IL6R: variants seen among roughly 807,000 people sequenced by gnomAD.
The protein encoded by IL6R is interleukin-6 receptor subunit alpha.
IL6R carries 38 observed loss-of-function variants against 48.3 expected under a neutral mutation model. The observed-to-expected ratio is 0.79, with a 90% CI of 0.61 to 1.03. The LOEUF (loss-of-function observed/expected upper bound fraction) is 1.03, where lower values mean the gene tolerates loss of function less well. Among genes scored for constraint, IL6R ranks in the 50% least tolerant of loss-of-function variants. The probability of loss-of-function intolerance (pLI) is 0.00; values close to 1 mark genes in which losing one functional copy is unlikely to be tolerated. For synonymous variants in IL6R, 264 were observed against 256.2 expected, an observed-to-expected ratio of 1.03 and a Z score of -0.29; for missense variants, 534 against 618.3, an observed-to-expected ratio of 0.86 and a Z score of 1.45.
At chr1:154,428,045 A>G (rs73014267) in intron 1 of IL6R, among the ~76,000 whole-genome samples, 5,252 of 152,272 alleles carry the variant, frequency 0.034, 204 homozygotes, top group African/African-American at 0.097. Context: ...GTGTGCTTAC[A>G]TGAAAACTGG....
rs533269788 is a variant in IL6R at position 154,418,776 on chromosome 1, T to C, written c.86-10420T>C. Among the ~76,000 whole-genome samples the C allele has an allele frequency of 2.9e-4, 44 of 152,180 alleles. No individual in the cohort carries two copies. In the South Asian group the frequency reaches 8.5e-3, roughly 29 times the overall value. On this transcript the variant is annotated intron_variant, in intron 1 of 9. Coordinates refer to ENST00000368485, the MANE Select transcript of IL6R (RefSeq NM_000565.4). ...CAGTTTTAGGCTCTAACTCATCCTA[T>C]ACACGCTGCGGCTGTGGGGGAAGGG...
chr1:154,447,460 T>TACACACAC (rs1558323465), intron 6 of IL6R, among the ~76,000 whole-genome samples: 3 of 78,272 alleles, frequency 3.8e-5, no homozygotes, highest in African/African-American at 2.4e-4. Flanking sequence ...AAAAAATATA[T>TACACACAC]ATATATATAT....
intron 6 of IL6R, among the ~76,000 whole-genome samples, chr1:154,437,870 C>G (rs189548943): frequency 7.0e-6 from 1 of 143,332 alleles, no homozygotes; most frequent in East Asian, 2.1e-4. Context: ...CACACCACCA[C>G]GCCCGGCTAA....
chr1:154,458,491 C>T (rs752457239), intron 9 of IL6R, among the ~76,000 whole-genome samples: 3 of 152,178 alleles, frequency 2.0e-5, no homozygotes, highest in Non-Finnish European at 4.4e-5. Flanking sequence ...TCTGTGTCTA[C>T]GTTAGGGCTT....
At chr1:154,427,004 C>T (rs981737052) in intron 1 of IL6R, among the ~76,000 whole-genome samples, 9 of 151,774 alleles carry the variant, frequency 5.9e-5, no homozygotes, top group Admixed American at 1.3e-4. Flanking sequence ...CTGCAAGCTC[C>T]GCCTCCCTGG....
intron 8 of IL6R, among the ~76,000 whole-genome samples, chr1:154,451,809 T>C (rs775391757): frequency 1.3e-5 from 2 of 152,092 alleles, no homozygotes; most frequent in Non-Finnish European, 1.5e-5. Context: ...GTGCTGGGAT[T>C]ACAGGTGTGA....
chr1:154,440,136 T>C (rs904273911), intron 6 of IL6R, among the ~76,000 whole-genome samples: 1 of 152,234 alleles, frequency 6.6e-6, no homozygotes, highest in African/African-American at 2.4e-5. Context: ...GTACTTCAAA[T>C]AAGTGGAATC....
At position 154,429,454 on chromosome 1, in the gene IL6R, G is replaced by T. The variant is rs778029868; in HGVS notation, c.334+10G>T. 57 of 1,601,838 alleles carry T rather than the reference G, an allele frequency of 3.6e-5. No homozygotes were observed. Among genetic ancestry groups the T allele is most frequent in the Non-Finnish European group, 4.6e-5 (54 of 1,170,250 alleles). ...CACTTGCTGGTGGATGGTGAGTTGT[G>T]CCTCAGAGGTCCCGGAGATAGTTCC... On this transcript the variant is annotated intron_variant, in intron 2 of 9. Transcript: ENST00000368485.
chr1:154,413,360 T>C (rs563342931), intron 1 of IL6R, among the ~76,000 whole-genome samples: 2 of 152,362 alleles, frequency 1.3e-5, no homozygotes, highest in South Asian at 4.1e-4. Flanking sequence ...GCCCCTGCTG[T>C]GGGGAATAAC....
chr1:154,425,986 G>T lies in IL6R; in HGVS notation c.86-3210G>T, dbSNP rs113010100. Among the ~76,000 whole-genome samples, 517 of 149,950 alleles carry T rather than the reference G, an allele frequency of 3.4e-3. 8 individuals are homozygous for T. Among genetic ancestry groups the T allele is most frequent in the African/African-American group, 0.012 (484 of 40,772 alleles). ...GTTACTCAGGAGGCTAAGGTGGGAG[G>T]ATCGCTTGAGCCCAGGAGTTTGAGG... On this transcript the variant is annotated intron_variant, in intron 1 of 9. Coordinates refer to ENST00000368485, the MANE Select transcript of IL6R (RefSeq NM_000565.4).
chr1:154,419,243 G>A (rs966047774), intron 1 of IL6R, among the ~76,000 whole-genome samples: 2 of 152,158 alleles, frequency 1.3e-5, no homozygotes, highest in African/African-American at 4.8e-5. Flanking sequence ...GAAAGCCCAG[G>A]GCGCAGGGTA....
At chr1:154,411,327 T>C (rs1368020187) in intron 1 of IL6R, among the ~76,000 whole-genome samples, 1 of 152,086 alleles carries the variant, frequency 6.6e-6, no homozygotes, top group Non-Finnish European at 1.5e-5. Flanking sequence ...CAAAGTGCTA[T>C]AGGATTGCAG....
At chr1:154,462,607 T>C (rs1241863217) in intron 9 of IL6R, among the ~76,000 whole-genome samples, 2 of 152,010 alleles carry the variant, frequency 1.3e-5, no homozygotes, top group African/African-American at 4.8e-5. Context: ...ACTCCTGACC[T>C]CGTTATCTGC....
At chr1:154,434,750 A>G (rs1380762130) in intron 4 of IL6R, 50 bp downstream of exon 4, 1 of 1,543,490 alleles carries the variant, frequency 6.5e-7, no homozygotes, top group Non-Finnish European at 8.9e-7. Flanking sequence ...CTTTTGATTT[A>G]ATACTCCTTA....
chr1:154,443,827 C>T lies in IL6R; in HGVS notation c.950-4298C>T, dbSNP rs140029015. On this transcript the variant is annotated intron_variant, in intron 6 of 9. Coordinates refer to ENST00000368485, the MANE Select transcript of IL6R (RefSeq NM_000565.4). ...CTTTGGATTCATGTCTTCAACTTGGCCCAGACTTCTGGCCAGATCCTCCCT... is the reference window on the plus strand; with the variant it reads ...CTTTGGATTCATGTCTTCAACTTGGTCCAGACTTCTGGCCAGATCCTCCCT... 2.1e-3 allele frequency among the ~76,000 whole-genome samples: 313 copies of T among 152,290 alleles called. 1 individual carries two copies. The highest frequency in any genetic ancestry group is 7.3e-3 in the African/African-American group (304 of 41,562).
Position 154,448,288 on chromosome 1 carries a change from C to A in IL6R, c.996+117C>A. The A allele has an allele frequency of 3.9e-6, 3 of 775,086 alleles. No individual in the cohort carries two copies. In the South Asian group the frequency reaches 4.5e-5, roughly 12 times the overall value. The allele number at this position is 775,086 out of a possible 1,614,324, so 48.0% of individuals were successfully genotyped here. On this transcript the variant is annotated intron_variant, in intron 7 of 9. Coordinates refer to ENST00000368485, the MANE Select transcript of IL6R (RefSeq NM_000565.4). ...GTTCTGTCACTAGTAGAAATGTGGT[C>A]GTGGTGAGTTACCTGTGCTTTTCAA...
At chr1:154,459,749 C>A (rs1250967632) in intron 9 of IL6R, among the ~76,000 whole-genome samples, 1 of 152,086 alleles carries the variant, frequency 6.6e-6, no homozygotes, top group Non-Finnish European at 1.5e-5. Context: ...TCTCTGTCCC[C>A]CACTGATTCT....
chr1:154,411,929 G>A (rs1365502270), intron 1 of IL6R, among the ~76,000 whole-genome samples: 1 of 148,288 alleles, frequency 6.7e-6, no homozygotes. Flanking sequence ...CTTGATAAAT[G>A]TTATTGATCC....
intron 9 of IL6R, among the ~76,000 whole-genome samples, chr1:154,464,363 C>T (rs1160726410): frequency 6.6e-6 from 1 of 152,088 alleles, no homozygotes; most frequent in Non-Finnish European, 1.5e-5. Flanking sequence ...CCACGTTGGC[C>T]AGGCTGGTCT....
Sources: allele counts gnomAD v4.1 joint callset (sites outside exome capture counted in the v4.1 genomes callset), GRCh38; gene constraint gnomAD v4.1.1; transcripts MANE v1.5; gene names NCBI Gene and HGNC (gene_info 2026-07-23, HGNC 2026-07-21).